The following TIAM2 variants were observed in gnomAD, a reference collection of about 807,000 sequenced individuals.
TIAM2 encodes rho guanine nucleotide exchange factor TIAM2.
TIAM2 carries 80 observed loss-of-function variants against 152.9 expected under a neutral mutation model. The ratio of observed to expected loss-of-function variants is 0.52; its 90% CI spans 0.44 to 0.63. The LOEUF (loss-of-function observed/expected upper bound fraction) is 0.63. Ranked by LOEUF, TIAM2 falls within the 30% of genes least tolerant of loss-of-function variation. TIAM2 has a pLI of 0.00. For missense variants in TIAM2, 1,965 were observed against 2,120.1 expected (o/e 0.93, Z 1.44); for synonymous variants, 804 against 838.0 (o/e 0.96, Z 0.70).
chr6:155,141,041 A>G (rs576414954), intron 5 of TIAM2, among the ~76,000 whole-genome samples: 87 of 152,326 alleles, frequency 5.7e-4, no homozygotes, highest in Non-Finnish European at 9.4e-4. Flanking sequence ...CTGGCTACCA[A>G]CTTCAGGGGT....
In TIAM2 at chr6:155,186,198, T is replaced by A. The variant is rs2115153533; in HGVS notation, c.3064+2698T>A. Among the ~76,000 whole-genome samples the A allele has an allele frequency of 6.6e-6, 1 of 152,296 alleles. No individual in the cohort carries two copies. The highest frequency in any genetic ancestry group is 2.4e-5 in the African/African-American group (1 of 41,572). ...ATGGCAGGGTGACAAGCATACAGGT[T>A]TTGAGTCAGACGTGGGTTCAGGTCC... is the stretch of plus-strand genomic sequence containing the variant. On this transcript the variant is annotated intron_variant, in intron 14 of 26. Transcript: ENST00000682666. The surrounding 1 kb of genome is among the most constrained non-coding windows in gnomAD (Gnocchi z 4.5).
intron 1 of TIAM2, among the ~76,000 whole-genome samples, chr6:155,062,570 C>G (rs28798450): frequency 6.9e-6 from 1 of 144,834 alleles, no homozygotes; most frequent in African/African-American, 2.5e-5. Flanking sequence ...TCTTTTTTTT[C>G]TTTTCTTTTT....
At chr6:155,149,530 AT>A (rs1779899711) in intron 7 of TIAM2, among the ~76,000 whole-genome samples, 1 of 152,254 alleles carries the variant, frequency 6.6e-6, no homozygotes, top group South Asian at 2.1e-4. Context: ...GGAATTTTAC[AT>A]GTGGTGTTTT....
chr6:155,248,208 G>A (rs1169756109), intron 20 of TIAM2, 29 bp downstream of exon 20: 1 of 1,604,046 alleles, frequency 6.2e-7, no homozygotes, highest in East Asian at 2.2e-5. Flanking sequence ...CTCCGGGCGA[G>A]GGCCTGCACA....
At chr6:155,051,848 C>G (rs983761992) in intron 1 of TIAM2, among the ~76,000 whole-genome samples, 3 of 152,088 alleles carry the variant, frequency 2.0e-5, no homozygotes, top group Non-Finnish European at 4.4e-5. Flanking sequence ...CCATGTTGGC[C>G]AGGATGGTCT....
chr6:155,243,298 A>C (rs1783142830), intron 16 of TIAM2, among the ~76,000 whole-genome samples: 1 of 152,028 alleles, frequency 6.6e-6, no homozygotes, highest in Non-Finnish European at 1.5e-5. Context: ...TGGACCTCTC[A>C]CTGTGCTCCC....
intron 1 of TIAM2, among the ~76,000 whole-genome samples, chr6:155,001,849 GCTT>G (rs1778317093): frequency 6.6e-6 from 1 of 152,204 alleles, no homozygotes; most frequent in South Asian, 2.1e-4. Context: ...GAATTTTGAA[GCTT>G]CTTTTGTCAG....
intron 1 of TIAM2, among the ~76,000 whole-genome samples, chr6:155,000,179 TG>T (rs766646978): frequency 3.3e-5 from 5 of 152,224 alleles, no homozygotes; most frequent in Non-Finnish European, 5.9e-5. Flanking sequence ...AAGAAATTCA[TG>T]CTTAAACAAC....
chr6:155,116,845 A>G (rs1365247686), intron 2 of TIAM2, among the ~76,000 whole-genome samples: 1 of 152,118 alleles, frequency 6.6e-6, no homozygotes, highest in Non-Finnish European at 1.5e-5. Context: ...TCACACTCAC[A>G]ATTTTGAATC....
chr6:155,137,281 G>T lies in TIAM2; in HGVS notation c.1299G>T (p.Gly433=). 1 of 1,614,200 alleles carries T rather than the reference G, an allele frequency of 6.2e-7. No homozygotes were observed. The part of the protein sequence containing the change: ...SSQASAFLWS[G]GSTQILSQRS... ...AGGCATCTGCTTTTCTGTGGTCAGG[G>T]GGCTCTACTCAGATCCTGTCTCAGA... The change falls in exon 5 of 27, where the codon GGG becomes GGT. Residue 433 remains glycine (G), a synonymous_variant. Transcript: ENST00000682666.
intron 19 of TIAM2, 56 bp from the exon 20 acceptor site, chr6:155,247,941 TGAA>T (rs751416385): frequency 9.1e-5 from 140 of 1,537,822 alleles, no homozygotes; most frequent in Admixed American, 2.4e-4. Flanking sequence ...AAAAGAGAAA[TGAA>T]GAATTTAATT....
chr6:155,155,410 C>G (rs968772777), intron 7 of TIAM2, among the ~76,000 whole-genome samples: 2 of 152,184 alleles, frequency 1.3e-5, no homozygotes, highest in African/African-American at 4.8e-5. Context: ...AACTGATCCG[C>G]CTGCCTCAGC....
At chr6:155,219,482 T>C (rs954226709) in intron 15 of TIAM2, among the ~76,000 whole-genome samples, 1 of 152,194 alleles carries the variant, frequency 6.6e-6, no homozygotes, top group Non-Finnish European at 1.5e-5. Flanking sequence ...CACCAGCCCA[T>C]ATGCCTTATT....
chr6:155,125,782 G>A (rs892830261), intron 2 of TIAM2, among the ~76,000 whole-genome samples: 1 of 151,934 alleles, frequency 6.6e-6, no homozygotes, highest in Non-Finnish European at 1.5e-5. Context: ...AGGTTGCAGT[G>A]AGCCGAGATT....
chr6:155,149,487 C>T (rs894488690), intron 7 of TIAM2, among the ~76,000 whole-genome samples: 1 of 152,200 alleles, frequency 6.6e-6, no homozygotes, highest in African/African-American at 2.4e-5. Context: ...CATGGTAACA[C>T]AACAATTTAG....
intron 8 of TIAM2, 36 bp downstream of exon 8, chr6:155,164,636 G>A (rs748061110): frequency 7.0e-6 from 11 of 1,580,378 alleles, no homozygotes; most frequent in Admixed American, 1.7e-5. Flanking sequence ...TGCAGCATTC[G>A]GGGAGGGCTG....
chr6:155,147,018 C>A (rs1004303594), intron 6 of TIAM2, among the ~76,000 whole-genome samples: 6 of 152,050 alleles, frequency 3.9e-5, no homozygotes, highest in Non-Finnish European at 5.9e-5. Context: ...GCATGAGCCA[C>A]TGTGCCCAGC....
chr6:155,003,819 A>G (rs1778355406), intron 1 of TIAM2, among the ~76,000 whole-genome samples: 1 of 152,114 alleles, frequency 6.6e-6, no homozygotes, highest in East Asian at 1.9e-4. Context: ...TGTCTATACT[A>G]AAAATACAAA....
chr6:155,194,876 G>A (rs1781300494), intron 14 of TIAM2, among the ~76,000 whole-genome samples: 1 of 152,156 alleles, frequency 6.6e-6, no homozygotes, highest in Non-Finnish European at 1.5e-5. Context: ...CCCCCATGCT[G>A]TTCTCATGAT....
Sources: gnomAD v4.1 joint callset for allele counts (sites outside exome capture counted in the v4.1 genomes callset) on GRCh38, gnomAD v4.1.1 for gene constraint, Gnocchi (gnomAD v3.1) non-coding constraint, MANE v1.5 for transcripts, NCBI Gene and HGNC (gene_info 2026-07-23, HGNC 2026-07-21) for gene names.